AARS1: variants seen among roughly 807,000 people sequenced by gnomAD.
AARS1 encodes alanyl-tRNA synthetase 1, also known as alanine--tRNA ligase, cytoplasmic.
A neutral mutation model predicts 108.9 loss-of-function variants in AARS1; 72 were observed. The observed-to-expected ratio is 0.66, with a 90% CI of 0.55 to 0.80. AARS1 has a LOEUF of 0.80. AARS1 is among the 30% of genes least tolerant of loss of function. The probability of loss-of-function intolerance (pLI) is 0.00; values close to 1 mark genes in which losing one functional copy is unlikely to be tolerated. For synonymous variants in AARS1, 489 were observed against 465.7 expected (o/e 1.05, Z -0.64); for missense variants, 1,193 against 1,233.2 (o/e 0.97, Z 0.49).
At chr16:70,278,041 C>G (rs114103198) in intron 2 of AARS1, among the ~76,000 whole-genome samples, 6,547 of 151,906 alleles carry the variant, frequency 0.043, 335 homozygotes, top group East Asian at 0.21. Flanking sequence ...GCATGAATGA[C>G]TGCGCCAGGT....
At chr16:70,262,644 G>C in intron 11 of AARS1, 120 bp from the exon 12 acceptor site, 2 of 1,095,750 alleles carry the variant, frequency 1.8e-6, no homozygotes, top group Non-Finnish European at 2.6e-6. Flanking sequence ...TTGTCCAATT[G>C]TATTTTGGAA....
chr16:70,274,550 C>G (rs557753486), intron 4 of AARS1, among the ~76,000 whole-genome samples: 2 of 151,688 alleles, frequency 1.3e-5, no homozygotes, highest in South Asian at 2.1e-4. Context: ...ATGATGAAAC[C>G]CCATCTCTAC....
In AARS1 at chr16:70,269,675, G is replaced by A; in HGVS notation, c.905C>T (p.Ala302Val). Reference sequence around the variant, plus strand: ...AGCCAGTGCCACAGTGATGGTCCGAGCGTGGTCAGCCAGCACCCGGTAGGC... The same window carrying A: ...AGCCAGTGCCACAGTGATGGTCCGAACGTGGTCAGCCAGCACCCGGTAGGC... ...DMAYRVLADH[A>V]RTITVALADG... Residue 302 changes from alanine to valine, a missense_variant, in exon 7 of 21, where the codon GCT becomes GTT. Ala to Val is a moderately conservative substitution (Grantham distance 64). Coordinates refer to ENST00000261772, the MANE Select transcript of AARS1 (RefSeq NM_001605.3). 6.2e-7 allele frequency: 1 copy of A among 1,614,180 alleles called. No homozygotes were observed. Among genetic ancestry groups the A allele is most frequent in the Non-Finnish European group, 8.5e-7 (1 of 1,180,030 alleles).
intron 9 of AARS1, among the ~76,000 whole-genome samples, 199 bp from the exon 10 acceptor site, chr16:70,265,861 C>CTGTTT (rs973549881): frequency 2.6e-5 from 4 of 152,228 alleles, no homozygotes; most frequent in African/African-American, 9.6e-5. Flanking sequence ...TGATACAATT[C>CTGTTT]TGTTTTGTTT....
intron 1 of AARS1, among the ~76,000 whole-genome samples, chr16:70,283,356 C>G (rs1009215869): frequency 6.6e-6 from 1 of 151,294 alleles, no homozygotes. Context: ...AAGACCACAC[C>G]ACTGCACTCC....
At chr16:70,273,627 C>A (rs1960463597) in intron 4 of AARS1, among the ~76,000 whole-genome samples, 1 of 151,930 alleles carries the variant, frequency 6.6e-6, no homozygotes, top group South Asian at 2.1e-4. Context: ...CTTTGGGAGG[C>A]CAAGGCAGGC....
chr16:70,256,633 A>C (rs546325527), intron 15 of AARS1, among the ~76,000 whole-genome samples: 69 of 152,270 alleles, frequency 4.5e-4, no homozygotes, highest in African/African-American at 1.6e-3. Context: ...TGTTTCCTGT[A>C]GTCTAAAGGG....
Position 70,280,763 on chromosome 16 carries a change from G to C in AARS1, c.144+1857C>G, listed in dbSNP as rs533832719. On this transcript the variant is annotated intron_variant, in intron 2 of 20. Transcript: ENST00000261772. The stretch of plus-strand genomic sequence containing the variant: ...TCCTCTTAAACTCCTTTATAAACTT[G>C]TCATGCTTTCATCATTTTAAGAGTT... Among the ~76,000 whole-genome samples the C allele has an allele frequency of 3.3e-5, 5 of 152,300 alleles. No individual in the cohort carries two copies. The South Asian group carries it at 1.0e-3, about 32-fold the overall frequency.
chr16:70,259,989 C>T (rs1960096091), intron 13 of AARS1, among the ~76,000 whole-genome samples: 1 of 152,134 alleles, frequency 6.6e-6, no homozygotes, highest in Non-Finnish European at 1.5e-5. Context: ...TCAGGCTGGT[C>T]TCGAACTCCC....
intron 13 of AARS1, among the ~76,000 whole-genome samples, chr16:70,260,039 C>T (rs1228742342): frequency 2.0e-5 from 3 of 152,078 alleles, no homozygotes; most frequent in African/African-American, 7.2e-5. Flanking sequence ...CCCAAAGTGC[C>T]GGGATTACAG....
chr16:70,285,267 G>A (rs1960811325), intron 1 of AARS1, among the ~76,000 whole-genome samples: 1 of 151,802 alleles, frequency 6.6e-6, no homozygotes, highest in African/African-American at 2.4e-5. Flanking sequence ...GAACAGAATG[G>A]ATAATATTAC....
intron 16 of AARS1, among the ~76,000 whole-genome samples, chr16:70,255,348 C>A (rs11862188): frequency 1.3e-5 from 2 of 151,818 alleles, no homozygotes; most frequent in East Asian, 3.9e-4. Context: ...TACAGACGCG[C>A]GCCACTACAC....
intron 1 of AARS1, among the ~76,000 whole-genome samples, chr16:70,285,888 A>G (rs1359361789): frequency 1.3e-5 from 2 of 152,254 alleles, no homozygotes; most frequent in African/African-American, 4.8e-5. Flanking sequence ...GGAAAATACA[A>G]TAGAGATGTA....
chr16:70,283,228 C>G (rs984811528), intron 1 of AARS1, among the ~76,000 whole-genome samples: 1 of 152,058 alleles, frequency 6.6e-6, no homozygotes, highest in African/African-American at 2.4e-5. Context: ...GAAATCCCAT[C>G]TCTACTAAAA....
rs1370915271 is a variant in AARS1, at chr16:70,276,714, A to G, written c.334-83T>C. 3.4e-6 allele frequency: 5 copies of G among 1,449,638 alleles called. No individual in the cohort carries two copies. In the African/African-American group the frequency reaches 5.6e-5, roughly 16 times the overall value. The allele number at this position is 1,449,638 out of a possible 1,614,324, so 89.8% of individuals were successfully genotyped here. ...ATGAGACCAGATGCTAGGAACACAG[A>G]TACAAAATCACAACATGTTCACTCT... On this transcript the variant is annotated intron_variant, in intron 3 of 20. Transcript: ENST00000261772.
intron 11 of AARS1, among the ~76,000 whole-genome samples, chr16:70,263,585 G>A (rs1457474744): frequency 2.0e-5 from 3 of 150,784 alleles, no homozygotes; most frequent in African/African-American, 7.3e-5. Context: ...AAAAAAAAAA[G>A]ATTGTTCTCT....
At chr16:70,256,855 C>G (rs983029550) in intron 15 of AARS1, among the ~76,000 whole-genome samples, 2 of 152,008 alleles carry the variant, frequency 1.3e-5, no homozygotes, top group Non-Finnish European at 2.9e-5. Context: ...TGGCTCACAC[C>G]TGTAATCTCA....
At chr16:70,273,878 A>AAT (rs954439283) in intron 4 of AARS1, among the ~76,000 whole-genome samples, 18 of 150,664 alleles carry the variant, frequency 1.2e-4, no homozygotes, top group Admixed American at 1.1e-3. Context: ...AAAAAAAAAA[A>AAT]AAAAAAAAAA....
chr16:70,289,225 C>G (rs1053830546), intron 1 of AARS1, among the ~76,000 whole-genome samples, 196 bp downstream of exon 1: 1 of 152,058 alleles, frequency 6.6e-6, no homozygotes, highest in African/African-American at 2.4e-5. Flanking sequence ...CAAATCCACC[C>G]GAGGCCGCGA....
Sources: gnomAD v4.1 joint callset for allele counts (sites outside exome capture counted in the v4.1 genomes callset) on GRCh38, gnomAD v4.1.1 for gene constraint, MANE v1.5 for transcripts, NCBI Gene and HGNC (gene_info 2026-07-23, HGNC 2026-07-21) for gene names.